The following ABLIM3 variants were observed in gnomAD, a reference collection of about 807,000 sequenced individuals.
The protein encoded by ABLIM3 is actin-binding LIM protein 3.
ABLIM3 carries 61 observed loss-of-function variants against 109.5 expected under a neutral mutation model. That is an observed-to-expected ratio of 0.56 (90% confidence interval 0.45 to 0.69). The LOEUF (loss-of-function observed/expected upper bound fraction) is 0.69. Ranked by LOEUF, ABLIM3 falls within the 30% of genes least tolerant of loss-of-function variation. The pLI is 0.00. For missense variants in ABLIM3, 796 were observed against 889.5 expected (o/e 0.89, Z 1.34); for synonymous variants, 300 against 324.8 (o/e 0.92, Z 0.82).
chr5:149,220,125 A>G (rs1443386777), intron 8 of ABLIM3: 4 of 152,184 alleles, frequency 2.6e-5, no homozygotes, highest in Non-Finnish European at 5.9e-5. Context: ...TCAATCATTC[A>G]TTTAGCAAAT....
chr5:149,165,881 GA>G (rs1754775378), intron 2 of ABLIM3, among the ~76,000 whole-genome samples: 1 of 152,098 alleles, frequency 6.6e-6, no homozygotes, highest in Admixed American at 6.5e-5. Flanking sequence ...CTATGCTATT[GA>G]ATAACAAAAA....
chr5:149,233,216 A>T lies in ABLIM3; in HGVS notation c.817-13A>T. ...GCAGCTTCTCACCTTTTCTGTCTTC[A>T]TCTCTCTCACAGCATAGACGGACAT... On this transcript the variant is annotated splice_polypyrimidine_tract_variant and intron_variant, in intron 9 of 23. Transcript: ENST00000309868. The T allele has an allele frequency of 6.2e-7, 1 of 1,613,908 alleles. No homozygotes were observed. The highest frequency in any genetic ancestry group is 1.3e-5 in the African/African-American group (1 of 75,016).
chr5:149,215,663 T>A (rs1006420974), intron 7 of ABLIM3, among the ~76,000 whole-genome samples: 1 of 152,172 alleles, frequency 6.6e-6, no homozygotes, highest in Admixed American at 6.5e-5. Flanking sequence ...CTAACATCCA[T>A]CAGTTTCCCC....
intron 2 of ABLIM3, among the ~76,000 whole-genome samples, chr5:149,169,651 G>A (rs1755187456): frequency 6.6e-6 from 1 of 152,160 alleles, no homozygotes; most frequent in Non-Finnish European, 1.5e-5. Context: ...CCAGTAAAGA[G>A]AGAGTCTGTT....
At chr5:149,223,960 C>G (rs952473282) in intron 8 of ABLIM3, among the ~76,000 whole-genome samples, 2 of 152,156 alleles carry the variant, frequency 1.3e-5, no homozygotes, top group African/African-American at 4.8e-5. Flanking sequence ...AGTCTGAGCT[C>G]ATGATAATCA....
intron 10 of ABLIM3, 26 bp from the exon 11 acceptor site, chr5:149,237,422 T>C (rs964770823): frequency 4.3e-6 from 7 of 1,611,816 alleles, no homozygotes; most frequent in Middle Eastern, 1.6e-4. Context: ...TTCTATTCCT[T>C]TCCTGTCCAT....
chr5:149,217,903 G>A (rs1032730128), intron 8 of ABLIM3: 5 of 152,006 alleles, frequency 3.3e-5, no homozygotes, highest in African/African-American at 9.7e-5. Flanking sequence ...AGCGTCCATG[G>A]TGAGGCTCAC....
chr5:149,209,779 G>A (rs1759360613), intron 6 of ABLIM3, among the ~76,000 whole-genome samples: 1 of 152,162 alleles, frequency 6.6e-6, no homozygotes, highest in Admixed American at 6.5e-5. Flanking sequence ...TCCTTGCCTT[G>A]TGGGCACAGT....
At chr5:149,201,912 T>C (rs903603400) in intron 5 of ABLIM3, among the ~76,000 whole-genome samples, 3 of 152,212 alleles carry the variant, frequency 2.0e-5, no homozygotes, top group Non-Finnish European at 4.4e-5. Context: ...GAGACTCAGT[T>C]TACCCAGTTA....
intron 3 of ABLIM3, among the ~76,000 whole-genome samples, chr5:149,196,851 A>G (rs1758025543): frequency 6.6e-6 from 1 of 152,210 alleles, no homozygotes; most frequent in Admixed American, 6.5e-5. Context: ...TCATATTTCT[A>G]AGTCCTTCAG....
In ABLIM3 at chr5:149,239,734, C is replaced by G. The variant is rs201785183; in HGVS notation, c.1075-25C>G. ...CAGGCCCACTTAACAGCCAGCCATG[C>G]TCACAGCCCCATTTCCTCTCCCAGG... is the stretch of plus-strand genomic sequence containing the variant. On this transcript the variant is annotated intron_variant, in intron 12 of 23. Transcript: ENST00000309868. The G allele has an allele frequency of 2.6e-6, 4 of 1,567,986 alleles. No homozygotes were observed. The African/African-American group carries it at 5.5e-5, about 21-fold the overall frequency.
At chr5:149,242,618 G>T in intron 15 of ABLIM3, 80 bp downstream of exon 15, 1 of 1,401,708 alleles carries the variant, frequency 7.1e-7, no homozygotes, top group South Asian at 1.2e-5. Context: ...CCCTGCACAG[G>T]CCACCAGGAG....
intron 18 of ABLIM3, among the ~76,000 whole-genome samples, chr5:149,248,178 C>T (rs895938007): frequency 2.6e-5 from 4 of 152,214 alleles, no homozygotes; most frequent in South Asian, 2.1e-4. Context: ...TAGCCAGCCC[C>T]GTCTCAATCC....
chr5:149,244,144 G>C (rs766461288), intron 15 of ABLIM3: 32 of 152,432 alleles, frequency 2.1e-4, no homozygotes, highest in African/African-American at 7.7e-4. Context: ...TTTGGGCCAC[G>C]AGAAGTCACT....
intron 20 of ABLIM3, among the ~76,000 whole-genome samples, chr5:149,251,151 T>A (rs1225878535): frequency 1.3e-5 from 2 of 152,138 alleles, no homozygotes; most frequent in Admixed American, 1.3e-4. Flanking sequence ...ATTCACCAAA[T>A]AAATGGATAT....
chr5:149,169,174 C>T (rs989493354), intron 2 of ABLIM3, among the ~76,000 whole-genome samples: 22 of 142,474 alleles, frequency 1.5e-4, no homozygotes, highest in Middle Eastern at 3.5e-3. Context: ...ACTGCGTAGA[C>T]GCTAGAATGT....
intron 2 of ABLIM3, among the ~76,000 whole-genome samples, chr5:149,154,342 A>T (rs1168820077): frequency 6.6e-6 from 1 of 152,238 alleles, no homozygotes; most frequent in Non-Finnish European, 1.5e-5. Context: ...TGTTAGCATT[A>T]TATGGTGCAG....
At chr5:149,239,115 C>A in intron 11 of ABLIM3, 133 bp from the exon 12 acceptor site, 1 of 836,494 alleles carries the variant, frequency 1.2e-6, no homozygotes, top group Non-Finnish European at 2.0e-6. Context: ...AGGCTGTTAT[C>A]TGGAGAGGGG....
intron 2 of ABLIM3, among the ~76,000 whole-genome samples, chr5:149,175,917 C>T (rs1755885088): frequency 6.6e-6 from 1 of 152,200 alleles, no homozygotes; most frequent in Non-Finnish European, 1.5e-5. Context: ...GTGTTGCCAG[C>T]AACACGCCAT....
Sources: gnomAD v4.1 joint callset for allele counts (sites outside exome capture counted in the v4.1 genomes callset) on GRCh38, gnomAD v4.1.1 for gene constraint, MANE v1.5 for transcripts, NCBI Gene and HGNC (gene_info 2026-07-23, HGNC 2026-07-21) for gene names.